OPRM1: variants seen among roughly 807,000 people sequenced by gnomAD.
OPRM1 encodes opioid receptor mu 1.
In OPRM1, 27 loss-of-function variants were observed where a neutral mutation model predicts 31.8. That is an observed-to-expected ratio of 0.85 (90% CI 0.63 to 1.17). OPRM1 has a LOEUF of 1.17. Among genes scored for constraint, OPRM1 ranks in the 50% most tolerant of loss-of-function variants. The probability of loss-of-function intolerance (pLI) is 0.00; values close to 1 mark genes in which losing one functional copy is unlikely to be tolerated. For synonymous variants in OPRM1, 196 were observed against 189.9 expected, an observed-to-expected ratio of 1.03 and a Z score of -0.26; for missense variants, 536 against 511.1, an observed-to-expected ratio of 1.05 and a Z score of -0.47.
intron 3 of OPRM1, among the ~76,000 whole-genome samples, chr6:154,092,865 T>C (rs1419254806): frequency 6.6e-6 from 1 of 152,186 alleles, no homozygotes; most frequent in African/African-American, 2.4e-5. Flanking sequence ...CAAAGGGAAA[T>C]TAACTTATTA....
downstream of OPRM1, among the ~76,000 whole-genome samples, chr6:154,133,274 T>G (rs943646793): frequency 6.6e-6 from 1 of 152,256 alleles, no homozygotes; most frequent in African/African-American, 2.4e-5. Flanking sequence ...TATTACCAGA[T>G]GTAATTTCCT....
chr6:154,175,413 AATAG>A (rs1299719154), intron 3 of OPRM1, among the ~76,000 whole-genome samples: 1 of 151,946 alleles, frequency 6.6e-6, no homozygotes, highest in Non-Finnish European at 1.5e-5. Flanking sequence ...AGATCAACAA[AATAG>A]ATAGAATGGT....
chr6:154,097,208 T>A (rs190262485), intron 3 of OPRM1, among the ~76,000 whole-genome samples: 21 of 152,366 alleles, frequency 1.4e-4, no homozygotes, highest in Non-Finnish European at 2.8e-4. Context: ...TCCATTAATA[T>A]GGCAAGTCCA....
In OPRM1 at chr6:154,131,085, AT is replaced by A. The variant is rs1033475215; in HGVS notation, c.*12371del. Among the ~76,000 whole-genome samples, 8 of 152,308 alleles carry A rather than the reference AT, an allele frequency of 5.3e-5. No homozygotes were observed. Among genetic ancestry groups the A allele is most frequent in the African/African-American group, 1.4e-4 (6 of 41,564 alleles). ...TAGGTGCTCTGTCACTTGTCATTAC[AT>A]TTTTTTATAACATTAATGACACATT... On this transcript the variant is annotated 3_prime_UTR_variant, in exon 4 of 4. Transcript: ENST00000330432.
chr6:154,209,643 CAAA>C (rs34423257), intron 3 of OPRM1, among the ~76,000 whole-genome samples: 10 of 107,918 alleles, frequency 9.3e-5, no homozygotes, highest in Non-Finnish European at 9.6e-5. Flanking sequence ...GACTGTGTCT[CAAA>C]AAAAAAAAAA....
chr6:154,022,437 G>A (rs2128382352), intron 1 of OPRM1, among the ~76,000 whole-genome samples: 1 of 121,218 alleles, frequency 8.2e-6, no homozygotes, highest in South Asian at 2.4e-4. Flanking sequence ...CCACAGGGTT[G>A]TTGTATTCTG....
rs57452242 is a variant in OPRM1 at position 154,224,322 on chromosome 6, CTG to C, written c.1165-22368_1165-22367del. 7.2e-5 allele frequency among the ~76,000 whole-genome samples: 11 copies of C among 152,300 alleles called. No homozygotes were observed. In the East Asian group the frequency reaches 1.3e-3, roughly 19 times the overall value. Reference sequence around the variant, plus strand: ...CATTCTTTTCTTCAGAAAAATTAAACTGTGAGGCATCCAACCCTATGCCCATC... The same window carrying C: ...CATTCTTTTCTTCAGAAAAATTAAACTGAGGCATCCAACCCTATGCCCATC... On this transcript the variant is annotated intron_variant, in intron 3 of 3. Coordinates refer to the OPRM1 transcript ENST00000337049.
Position 154,164,765 on chromosome 6 carries a change from T to G in OPRM1, c.1164+73293T>G, listed in dbSNP as rs376400248. 3.9e-5 allele frequency among the ~76,000 whole-genome samples: 6 copies of G among 152,336 alleles called. 1 individual carries two copies. The highest frequency in any genetic ancestry group is 1.3e-4 in the Admixed American group (2 of 15,298). The stretch of plus-strand genomic sequence containing the variant: ...CAGAGTAACTCAGAGAGAGTTTCAG[T>G]TGGACCCATTAATCATTCCATTAAT... On this transcript the variant is annotated intron_variant, in intron 3 of 3. Coordinates refer to the OPRM1 transcript ENST00000337049.
chr6:154,020,693 C>T (rs906002181), intron 1 of OPRM1, among the ~76,000 whole-genome samples: 18 of 152,264 alleles, frequency 1.2e-4, no homozygotes, highest in African/African-American at 3.1e-4. Flanking sequence ...CTTACCGCAC[C>T]AGCATTTGGT....
At chr6:154,184,683 T>C (rs547602197) in intron 3 of OPRM1, among the ~76,000 whole-genome samples, 14 of 152,206 alleles carry the variant, frequency 9.2e-5, no homozygotes, top group African/African-American at 3.1e-4. Context: ...AATATATTTT[T>C]TTCGAATGAA....
At chr6:154,045,399 A>G (rs1780921000) in intron 1 of OPRM1, among the ~76,000 whole-genome samples, 1 of 152,148 alleles carries the variant, frequency 6.6e-6, no homozygotes, top group South Asian at 2.1e-4. Context: ...TTAGATGTAG[A>G]CACTTATTTC....
At position 154,091,073 on chromosome 6, in the gene OPRM1, A is replaced by G. The variant is rs1252791051; in HGVS notation, c.765A>G (p.Gly255=). ...TGCTCATCATTACCGTGTGCTATGG[A>G]CTGATGATCTTGCGCCTCAAGAGTG... ...MPVLIITVCY[G]LMILRLKSVR... The change falls in exon 3 of 4, where the codon GGA becomes GGG. Residue 255 remains glycine, a synonymous_variant. Coordinates refer to ENST00000330432, the MANE Select transcript of OPRM1 (RefSeq NM_000914.5). 6.2e-7 allele frequency: 1 copy of G among 1,614,162 alleles called. No homozygotes were observed. The highest frequency in any genetic ancestry group is 1.1e-5 in the South Asian group (1 of 91,084).
upstream of OPRM1, among the ~76,000 whole-genome samples, chr6:154,035,228 G>A (rs1779234242): frequency 6.6e-6 from 1 of 151,894 alleles, no homozygotes; most frequent in African/African-American, 2.4e-5. Flanking sequence ...CAAAAGTCCG[G>A]GGCTTTCATC....
chr6:154,221,884 T>C (rs1216594142), intron 3 of OPRM1, among the ~76,000 whole-genome samples: 1 of 152,008 alleles, frequency 6.6e-6, no homozygotes, highest in Non-Finnish European at 1.5e-5. Context: ...AAAAAACAAA[T>C]AAATAAATAA....
intron 3 of OPRM1, among the ~76,000 whole-genome samples, chr6:154,100,142 TATTATCATATTATGACGTATCATAA>T (rs1315073611): frequency 1.0e-4 from 10 of 95,740 alleles, no homozygotes; most frequent in Non-Finnish European, 1.4e-4. Context: ...ATATAATATA[TATTATCATATTATGACGTATCATAA>T]TATATATTAT....
At chr6:154,033,484 C>T (rs367872943) in intron 1 of OPRM1, among the ~76,000 whole-genome samples, 2 of 152,186 alleles carry the variant, frequency 1.3e-5, no homozygotes, top group South Asian at 4.1e-4. Flanking sequence ...AAAAGTGCTA[C>T]TACCCCCACT....
chr6:154,055,049 G>GATA (rs1356985099), intron 1 of OPRM1, among the ~76,000 whole-genome samples: 1 of 152,178 alleles, frequency 6.6e-6, no homozygotes, highest in African/African-American at 2.4e-5. Context: ...GGTCCAAATA[G>GATA]ATAAGATTTG....
chr6:154,160,602 A>G (rs1027161603), intron 3 of OPRM1, among the ~76,000 whole-genome samples: 2 of 152,252 alleles, frequency 1.3e-5, no homozygotes, highest in African/African-American at 2.4e-5. Context: ...ATGTATTCCA[A>G]TAATGCTAAT....
At chr6:154,051,352 A>G (rs1782157479) in intron 1 of OPRM1, among the ~76,000 whole-genome samples, 1 of 152,236 alleles carries the variant, frequency 6.6e-6, no homozygotes. Flanking sequence ...ATGCACAAGT[A>G]AACTAGACAT....
Sources: gnomAD v4.1 joint callset for allele counts (sites outside exome capture counted in the v4.1 genomes callset) on GRCh38, gnomAD v4.1.1 for gene constraint, MANE v1.5 for transcripts, NCBI Gene and HGNC (gene_info 2026-07-23, HGNC 2026-07-21) for gene names.